PMM2: variants seen among roughly 807,000 people sequenced by gnomAD.
PMM2 encodes phosphomannomutase 2.
Under a neutral mutation model 33.2 loss-of-function variants are expected in PMM2, and 35 were observed. That is an observed-to-expected ratio of 1.06 (90% CI 0.81 to 1.40). The LOEUF is 1.40. Among genes scored for constraint, PMM2 ranks in the 40% most tolerant of loss-of-function variants. The probability of loss-of-function intolerance (pLI) is 0.00; values close to 1 mark genes in which losing one functional copy is unlikely to be tolerated. For missense variants in PMM2, 386 were observed against 306.0 expected, an observed-to-expected ratio of 1.26 and a Z score of -1.95; for synonymous variants, 153 against 114.7, an observed-to-expected ratio of 1.33 and a Z score of -2.13.
intron 7 of PMM2, among the ~76,000 whole-genome samples, chr16:8,829,658 G>A (rs1321300444): frequency 6.6e-6 from 1 of 152,176 alleles, no homozygotes; most frequent in Non-Finnish European, 1.5e-5. Flanking sequence ...GGAATTCAAA[G>A]GATGGTCTCT....
chr16:8,820,351 C>CTTCTTTTTTTT (rs1382491907), intron 7 of PMM2, among the ~76,000 whole-genome samples: 16 of 133,178 alleles, frequency 1.2e-4, no homozygotes, highest in African/African-American at 5.0e-4. Context: ...CACAGTTCTT[C>CTTCTTTTTTTT]TTTTTTTTTT....
At chr16:8,835,970 A>G (rs2060843212) in intron 7 of PMM2, among the ~76,000 whole-genome samples, 1 of 151,150 alleles carries the variant, frequency 6.6e-6, no homozygotes, top group African/African-American at 2.4e-5. Context: ...AGGGAAGCAG[A>G]TAATTTAAAG....
chr16:8,813,540 G>A (rs946375188), intron 7 of PMM2, among the ~76,000 whole-genome samples: 5 of 152,178 alleles, frequency 3.3e-5, no homozygotes. Flanking sequence ...GATCTCATGA[G>A]CCTGAAACAG....
At chr16:8,833,557 A>G (rs1464850678) in intron 7 of PMM2, among the ~76,000 whole-genome samples, 2 of 151,550 alleles carry the variant, frequency 1.3e-5, no homozygotes, top group African/African-American at 4.8e-5. Context: ...TGGAGAGAGA[A>G]TGGACGATGT....
At chr16:8,835,003 C>G (rs1305166360) in intron 7 of PMM2, among the ~76,000 whole-genome samples, 4 of 151,868 alleles carry the variant, frequency 2.6e-5, no homozygotes, top group East Asian at 3.9e-4. Flanking sequence ...GTATATGCAT[C>G]AGGTATGAGG....
At chr16:8,823,378 G>A (rs1414420622) in intron 7 of PMM2, among the ~76,000 whole-genome samples, 1 of 152,094 alleles carries the variant, frequency 6.6e-6, no homozygotes, top group Non-Finnish European at 1.5e-5. Flanking sequence ...CAAATTGCAG[G>A]AAATAATAAA....
chr16:8,804,609 CTTT>C (rs975055850), intron 2 of PMM2, among the ~76,000 whole-genome samples, 155 bp from the exon 3 acceptor site: 3 of 152,166 alleles, frequency 2.0e-5, no homozygotes, highest in African/African-American at 7.2e-5. Flanking sequence ...AAACAAGGAA[CTTT>C]TTTCCATACT....
At chr16:8,806,730 A>G (rs1442241984) in intron 4 of PMM2, 1 of 378,132 alleles carries the variant, frequency 2.6e-6, no homozygotes, top group Non-Finnish European at 5.0e-6. Flanking sequence ...ACAGTACAAG[A>G]ATGATTACGT....
At chr16:8,842,397 G>A (rs1222919346) in intron 7 of PMM2, 1 of 152,142 alleles carries the variant, frequency 6.6e-6, no homozygotes, top group African/African-American at 2.4e-5. Flanking sequence ...GCGGAGGGGT[G>A]GAAAGAAAGT....
At chr16:8,830,518 G>C (rs949240553) in intron 7 of PMM2, among the ~76,000 whole-genome samples, 26 of 152,138 alleles carry the variant, frequency 1.7e-4, no homozygotes, top group African/African-American at 5.8e-4. Flanking sequence ...GAAATCATAG[G>C]GGGTAGAAGT....
intron 7 of PMM2, among the ~76,000 whole-genome samples, chr16:8,825,918 G>A (rs538051900): frequency 7.9e-5 from 12 of 152,042 alleles, no homozygotes; most frequent in Admixed American, 3.3e-4. Flanking sequence ...ACCACGCCCG[G>A]CTAATTTTTG....
intron 1 of PMM2, 78 bp downstream of exon 1, chr16:8,798,026 G>C: frequency 2.1e-6 from 3 of 1,427,766 alleles, no homozygotes; most frequent in South Asian, 1.2e-5. Flanking sequence ...GACCACCCAG[G>C]GTAGGCGCCA....
intron 7 of PMM2, among the ~76,000 whole-genome samples, chr16:8,843,513 GC>G (rs35139421): frequency 0.42 from 62,927 of 151,190 alleles, 13,417 homozygotes; most frequent in Non-Finnish European, 0.47. Context: ...GCATTCCTTG[GC>G]CCTGGTAGTC....
At chr16:8,810,529 A>C (rs2060671365) in intron 4 of PMM2, 1 of 153,566 alleles carries the variant, frequency 6.5e-6, no homozygotes, top group Admixed American at 6.5e-5. Context: ...AGGTGAAATG[A>C]ATTTTAATAA....
Position 8,811,804 on chromosome 16 carries a change from C to T in PMM2, c.523+91C>T. ...TGAGCTATTGATAATGAAGTATGTG[C>T]AGTTTTAGGTGGGCAGGAAGATTAA... On this transcript the variant is annotated intron_variant, in intron 6 of 7. Transcript: ENST00000268261. 6.8e-6 allele frequency: 6 copies of T among 883,166 alleles called. 1 individual carries two copies. Among genetic ancestry groups the T allele is most frequent in the Middle Eastern group, 2.2e-4 (1 of 4,626 alleles). 54.7% of individuals were successfully genotyped at this position (883,166 alleles called of 1,614,324 possible).
intron 7 of PMM2, among the ~76,000 whole-genome samples, chr16:8,845,054 AC>A (rs1205332567): frequency 1.3e-5 from 2 of 152,230 alleles, no homozygotes; most frequent in Admixed American, 1.3e-4. Context: ...TGAAGAGACC[AC>A]CAAACAGGCT....
chr16:8,806,367 T>C lies in PMM2; in HGVS notation c.307T>C (p.Cys103Arg), dbSNP rs144365013. ...CCTAATCCAAGATTTAATCAACTAC[T>C]GTCTGAGCTACATTGCGAAAATTAA... ...EALIQDLINY[C>R]LSYIAKIKLP... is the part of the protein sequence containing the mutation. Residue 103 changes from cysteine (C) to arginine (R), a missense_variant, in exon 4 of 8, where the codon TGT becomes CGT. Physicochemically the swap from Cys to Arg is radical, Grantham distance 180. Coordinates refer to ENST00000268261, the MANE Select transcript of PMM2 (RefSeq NM_000303.3). 4 of 1,613,558 alleles carry C rather than the reference T, an allele frequency of 2.5e-6. No homozygotes were observed. The highest frequency in any genetic ancestry group is 8.5e-7 in the Non-Finnish European group (1 of 1,179,412).
At chr16:8,804,042 T>TTTTTTTG (rs1567157648) in intron 2 of PMM2, among the ~76,000 whole-genome samples, 9 of 139,590 alleles carry the variant, frequency 6.4e-5, no homozygotes, top group African/African-American at 2.4e-4. Flanking sequence ...TTTTTTTTTT[T>TTTTTTTG]TTTTTTTTTG....
chr16:8,848,874 A>T lies in PMM2; in HGVS notation c.*1049A>T, dbSNP rs1483256298. On this transcript the variant is annotated 3_prime_UTR_variant, in exon 8 of 8. Coordinates refer to ENST00000268261, the MANE Select transcript of PMM2 (RefSeq NM_000303.3). ...TAGGTCCGCGTCCCTCACTCTTTTC[A>T]TCTTCTGCACGTTCTTCGTGAAACT... 6.6e-6 allele frequency: 1 copy of T among 152,128 alleles called. No individual in the cohort carries two copies. The highest frequency in any genetic ancestry group is 1.9e-4 in the East Asian group (1 of 5,198). 9.4% of individuals were successfully genotyped at this position (152,128 alleles called of 1,614,324 possible).
Sources: allele counts gnomAD v4.1 joint callset (sites outside exome capture counted in the v4.1 genomes callset), GRCh38; gene constraint gnomAD v4.1.1; transcripts MANE v1.5; gene names NCBI Gene and HGNC (gene_info 2026-07-23, HGNC 2026-07-21).